Variants in IP6K1 observed in about 807,000 individuals in gnomAD.
The protein encoded by IP6K1 is inositol hexakisphosphate kinase 1.
Under a neutral mutation model 38.3 loss-of-function variants are expected in IP6K1, and 13 were observed. That is an observed-to-expected ratio of 0.34 (90% CI 0.22 to 0.54). IP6K1 has a LOEUF of 0.54. Among genes scored for constraint, IP6K1 ranks in the 20% least tolerant of loss-of-function variants. IP6K1 has a pLI of 0.92. For synonymous variants in IP6K1, 212 were observed against 229.9 expected (o/e 0.92, Z 0.70); for missense variants, 397 against 599.8 (o/e 0.66, Z 3.53).
intron 1 of IP6K1, among the ~76,000 whole-genome samples, chr3:49,781,309 C>G (rs1046596524): frequency 6.6e-6 from 1 of 152,146 alleles, no homozygotes; most frequent in Non-Finnish European, 1.5e-5. Flanking sequence ...GTGATCCACC[C>G]GCTGTGGCCT....
chr3:49,778,520 C>A (rs1441189862), intron 1 of IP6K1, among the ~76,000 whole-genome samples: 2 of 152,110 alleles, frequency 1.3e-5, no homozygotes, highest in South Asian at 4.1e-4. Flanking sequence ...GTAATCCCAG[C>A]TACTCAGGAG....
chr3:49,740,981 G>A (rs1044085054), intron 2 of IP6K1, among the ~76,000 whole-genome samples: 9 of 151,754 alleles, frequency 5.9e-5, no homozygotes, highest in Admixed American at 1.3e-4. Context: ...CCTGAGGAGC[G>A]GGGATTACAG....
At chr3:49,741,562 A>G (rs1273760474) in intron 2 of IP6K1, among the ~76,000 whole-genome samples, 2 of 152,244 alleles carry the variant, frequency 1.3e-5, no homozygotes, top group Admixed American at 1.3e-4. Context: ...AAAAATAAAT[A>G]TTCTAAGGCT....
intron 1 of IP6K1, among the ~76,000 whole-genome samples, chr3:49,755,763 TCA>T (rs570213249): frequency 6.0e-4 from 92 of 152,292 alleles, no homozygotes; most frequent in African/African-American, 2.1e-3. Flanking sequence ...CCTTCAAGAA[TCA>T]CAGACAAAAA....
In IP6K1 at chr3:49,727,759, T is replaced by C. The variant is rs796600266; in HGVS notation, c.793-104A>G. ...GAAGGGACTTTGACCAACCTGAGCTTTTCTGCTCACCTATCTAAGTGGAAC... is the reference window on the plus strand; with the variant it reads ...GAAGGGACTTTGACCAACCTGAGCTCTTCTGCTCACCTATCTAAGTGGAAC... On this transcript the variant is annotated intron_variant, in intron 5 of 5. Coordinates refer to ENST00000321599, the MANE Select transcript of IP6K1 (RefSeq NM_153273.4). This position sits in a 1 kb window ranked among gnomAD's most constrained non-coding sequence, Gnocchi z 5.9. The C allele has an allele frequency of 8.5e-7, 1 of 1,182,848 alleles. No individual in the cohort carries two copies. The highest frequency in any genetic ancestry group is 1.5e-5 in the South Asian group (1 of 65,352). 73.3% of individuals were successfully genotyped at this position (1,182,848 alleles called of 1,614,324 possible).
intron 1 of IP6K1, among the ~76,000 whole-genome samples, chr3:49,752,806 T>A (rs961360681): frequency 6.9e-6 from 1 of 145,630 alleles, no homozygotes; most frequent in Non-Finnish European, 1.5e-5. Flanking sequence ...CAGGCTGGAG[T>A]GCAGTGGTGC....
intron 1 of IP6K1, among the ~76,000 whole-genome samples, chr3:49,783,556 CA>C (rs2081086541): frequency 6.6e-6 from 1 of 150,492 alleles, no homozygotes; most frequent in African/African-American, 2.4e-5. Flanking sequence ...CCTAAAAATA[CA>C]AAAAAATTGG....
intron 1 of IP6K1, among the ~76,000 whole-genome samples, chr3:49,761,176 A>T (rs957728660): frequency 4.6e-5 from 7 of 151,292 alleles, no homozygotes; most frequent in South Asian, 2.1e-4. Context: ...TTAGCTGGGC[A>T]TGGTGGTGGG....
At chr3:49,745,721 G>A (rs965054413) in intron 2 of IP6K1, among the ~76,000 whole-genome samples, 10 of 144,362 alleles carry the variant, frequency 6.9e-5, no homozygotes, top group African/African-American at 2.5e-4. Flanking sequence ...TAGGCGTGGT[G>A]GCACATGCCT....
intron 4 of IP6K1, among the ~76,000 whole-genome samples, chr3:49,730,773 A>G (rs1218999078): frequency 6.6e-6 from 1 of 151,920 alleles, no homozygotes; most frequent in Non-Finnish European, 1.5e-5. Context: ...CTGGAGTGCA[A>G]TGGCGCAATC....
At chr3:49,738,450 A>C in intron 2 of IP6K1, 28 bp from the exon 3 acceptor site, 3 of 1,567,600 alleles carry the variant, frequency 1.9e-6, no homozygotes, top group Non-Finnish European at 2.6e-6. Flanking sequence ...GTTGGTAAAC[A>C]AATGTCAACA....
intron 3 of IP6K1, among the ~76,000 whole-genome samples, chr3:49,735,937 CAG>C (rs2080606973): frequency 6.6e-6 from 1 of 152,102 alleles, no homozygotes; most frequent in Non-Finnish European, 1.5e-5. Flanking sequence ...TTTCTTGAGA[CAG>C]AGTTTTCACT....
chr3:49,749,826 ACTT>A (rs1028689536), intron 1 of IP6K1, among the ~76,000 whole-genome samples: 1 of 132,870 alleles, frequency 7.5e-6, no homozygotes, highest in Non-Finnish European at 1.6e-5. Flanking sequence ...ATGCACATAC[ACTT>A]CTTTTTTTTT....
intron 3 of IP6K1, among the ~76,000 whole-genome samples, chr3:49,734,725 T>C (rs1231384183): frequency 6.6e-6 from 1 of 152,180 alleles, no homozygotes; most frequent in Non-Finnish European, 1.5e-5. Flanking sequence ...CCTTTTTTTG[T>C]GAAACCCTTT....
intron 3 of IP6K1, among the ~76,000 whole-genome samples, chr3:49,736,230 TA>T (rs376842110): frequency 1.3e-5 from 2 of 152,216 alleles, no homozygotes; most frequent in African/African-American, 2.4e-5. Flanking sequence ...ATTCTATTAT[TA>T]TTTTTTTATT....
chr3:49,729,747 T>C (rs1034037619), intron 4 of IP6K1, among the ~76,000 whole-genome samples: 7 of 151,758 alleles, frequency 4.6e-5, no homozygotes, highest in South Asian at 4.1e-4. Flanking sequence ...TTATTTTTTT[T>C]GAGACAGAGT....
At chr3:49,781,381 G>A (rs1008803501) in intron 1 of IP6K1, among the ~76,000 whole-genome samples, 1 of 152,156 alleles carries the variant, frequency 6.6e-6, no homozygotes, top group Non-Finnish European at 1.5e-5. Context: ...ATTCTTAAAA[G>A]AGCAAATACT....
At position 49,735,407 on chromosome 3, in the gene IP6K1, A is replaced by G. The variant is rs536947404; in HGVS notation, c.435-2435T>C. Among the ~76,000 whole-genome samples the G allele has an allele frequency of 1.3e-3, 193 of 152,292 alleles. 1 individual carries two copies. The highest frequency in any genetic ancestry group is 4.2e-3 in the African/African-American group (176 of 41,556). Reference sequence around the variant, plus strand: ...GCCCACCCTAAAGCGCTGTTCAGAGAGAACCATCAATTGTCAGCTACAGAC... The same window carrying G: ...GCCCACCCTAAAGCGCTGTTCAGAGGGAACCATCAATTGTCAGCTACAGAC... On this transcript the variant is annotated intron_variant, in intron 3 of 5. Transcript: ENST00000321599.
At chr3:49,753,530 G>A (rs539114165) in intron 1 of IP6K1, among the ~76,000 whole-genome samples, 82 of 152,200 alleles carry the variant, frequency 5.4e-4, no homozygotes, top group African/African-American at 1.9e-3. Context: ...TGATGATGAT[G>A]TCAGTTATAT....
Sources: gnomAD v4.1 joint callset for allele counts (sites outside exome capture counted in the v4.1 genomes callset) on GRCh38, gnomAD v4.1.1 for gene constraint, Gnocchi (gnomAD v3.1) non-coding constraint, MANE v1.5 for transcripts, NCBI Gene and HGNC (gene_info 2026-07-23, HGNC 2026-07-21) for gene names.